Variants in CRIM1 observed in about 807,000 individuals in gnomAD.
The protein encoded by CRIM1 is cysteine-rich motor neuron 1 protein.
CRIM1 carries 32 observed loss-of-function variants against 116.4 expected under a neutral mutation model. The ratio of observed to expected loss-of-function variants is 0.27; its 90% confidence interval spans 0.21 to 0.37. CRIM1 has a LOEUF of 0.37. CRIM1 is among the 10% of genes least tolerant of loss of function. The pLI, the probability that CRIM1 is intolerant of heterozygous loss-of-function variation, is 1.00. For missense variants in CRIM1, 1,331 were observed against 1,354.8 expected (o/e 0.98, Z 0.28); for synonymous variants, 590 against 509.2 (o/e 1.16, Z -2.13).
chr2:36,507,297 T>C (rs1260077780), intron 8 of CRIM1, among the ~76,000 whole-genome samples: 1 of 152,228 alleles, frequency 6.6e-6, no homozygotes, highest in Non-Finnish European at 1.5e-5. Context: ...TTTTGAGATG[T>C]TTTGGCAAGT....
In CRIM1 at chr2:36,509,995, G is replaced by C. The variant is rs779872465; in HGVS notation, c.1514G>C (p.Cys505Ser). ...TCQCINTEELCSERKQGCTLN... is the reference protein window; with the variant it reads ...TCQCINTEELSSERKQGCTLN... ...TGTGTCTTCACAGCCGAGGAACTAT[G>C]TTCAGAACGTAAACAAGGCTGCACC... The change falls in exon 9 of 17, where the codon TGT becomes TCT. Residue 505 changes from cysteine to serine, a missense_variant. Around this residue, in one of 3 missense-constraint regions of CRIM1, gnomAD observed 690 missense variants for 676.0 expected, o/e 1.02. Transcript: ENST00000280527. The C allele has an allele frequency of 1.9e-6, 3 of 1,614,008 alleles. No individual in the cohort carries two copies. The highest frequency in any genetic ancestry group is 2.2e-5 in the South Asian group (2 of 91,038).
chr2:36,423,913 G>T (rs1445498683), intron 2 of CRIM1, among the ~76,000 whole-genome samples: 2 of 152,158 alleles, frequency 1.3e-5, no homozygotes, highest in Non-Finnish European at 2.9e-5. Context: ...GCTAGGAAAG[G>T]TGACTGAGGC....
intron 4 of CRIM1, among the ~76,000 whole-genome samples, chr2:36,453,813 C>T (rs1676920911): frequency 6.6e-6 from 1 of 152,144 alleles, no homozygotes; most frequent in South Asian, 2.1e-4. Flanking sequence ...ATTTGGAGAA[C>T]GGTCAGATTT....
chr2:36,410,985 C>T (rs1351843187), intron 2 of CRIM1, among the ~76,000 whole-genome samples: 3 of 152,192 alleles, frequency 2.0e-5, no homozygotes, highest in East Asian at 3.8e-4. Flanking sequence ...AACAAATTCT[C>T]ATATTCTCAG....
intron 9 of CRIM1, among the ~76,000 whole-genome samples, chr2:36,511,116 A>G (rs190173479): frequency 4.5e-4 from 68 of 151,574 alleles, no homozygotes; most frequent in African/African-American, 1.5e-3. Flanking sequence ...TAATTTTTGT[A>G]TTTTTTGGAG....
At chr2:36,543,651 T>C (rs1667110969) in intron 14 of CRIM1, among the ~76,000 whole-genome samples, 1 of 151,816 alleles carries the variant, frequency 6.6e-6, no homozygotes, top group Admixed American at 6.6e-5. Context: ...GAAGTATAAA[T>C]ACAAAGAAAT....
At chr2:36,507,249 G>GT in intron 8 of CRIM1, among the ~76,000 whole-genome samples, 1 of 152,308 alleles carries the variant, frequency 6.6e-6, no homozygotes, top group Admixed American at 6.5e-5. Context: ...CTACCTTCCA[G>GT]TTTTTAATGT....
intron 7 of CRIM1, 84 bp from the exon 8 acceptor site, chr2:36,499,135 A>C: frequency 9.9e-7 from 1 of 1,013,538 alleles, no homozygotes; most frequent in Non-Finnish European, 1.5e-6. Context: ...TTGTAACATT[A>C]TGGTGTGGAA....
intron 2 of CRIM1, among the ~76,000 whole-genome samples, chr2:36,440,380 C>T (rs924083879): frequency 6.6e-5 from 10 of 152,286 alleles, no homozygotes; most frequent in African/African-American, 2.4e-4. Context: ...CTCCCCATCT[C>T]CCACCAAAGG....
chr2:36,456,303 G>A (rs764064743), intron 4 of CRIM1, among the ~76,000 whole-genome samples: 5 of 152,194 alleles, frequency 3.3e-5, no homozygotes, highest in South Asian at 2.1e-4. Context: ...GTACACACTC[G>A]GTAAACAGCT....
At chr2:36,471,131 T>A (rs1025268233) in intron 5 of CRIM1, among the ~76,000 whole-genome samples, 1 of 152,222 alleles carries the variant, frequency 6.6e-6, no homozygotes, top group Non-Finnish European at 1.5e-5. Flanking sequence ...AGTTTCTTCT[T>A]ATCGATGAGC....
chr2:36,358,302 A>G (rs906738402), intron 1 of CRIM1, among the ~76,000 whole-genome samples: 1 of 152,226 alleles, frequency 6.6e-6, no homozygotes, highest in Admixed American at 6.5e-5. Flanking sequence ...TAAAAGATGC[A>G]TCTTTGAACC....
Position 36,448,776 on chromosome 2 carries a change from C to T in CRIM1, c.869+6041C>T, listed in dbSNP as rs1676454895. ...AAAAGTTATTGAGAAAAGTCCAATC[C>T]AGCTATTTTAAGGTAGAAATAAATT... On this transcript the variant is annotated intron_variant, in intron 4 of 16. Coordinates refer to ENST00000280527, the MANE Select transcript of CRIM1 (RefSeq NM_016441.3). Among the ~76,000 whole-genome samples, 4 of 152,186 alleles carry T rather than the reference C, an allele frequency of 2.6e-5. No homozygotes were observed. In the South Asian group the frequency reaches 8.3e-4, roughly 32 times the overall value.
In CRIM1 at chr2:36,362,306, A is replaced by C. The variant is rs563548909; in HGVS notation, c.331+5683A>C. On this transcript the variant is annotated intron_variant, in intron 1 of 16. Transcript: ENST00000280527. Reference sequence around the variant, plus strand: ...GTGATCTCTTGAGGCTCTGGTGGCAAAGCAGAAAGGGGAATTTGAATTTGA... The same window carrying C: ...GTGATCTCTTGAGGCTCTGGTGGCACAGCAGAAAGGGGAATTTGAATTTGA... Among the ~76,000 whole-genome samples, 22 of 152,300 alleles carry C rather than the reference A, an allele frequency of 1.4e-4. No individual in the cohort carries two copies. In the South Asian group the frequency reaches 4.1e-3, roughly 29 times the overall value.
rs1055051122 is a variant in CRIM1, at chr2:36,448,305, C to A, written c.869+5570C>A. ...AGGCAGATGCATTTGAAGGATGGAT[C>A]CAGCCTGGGCTATACATCTGAGAGT... On this transcript the variant is annotated intron_variant, in intron 4 of 16. Coordinates refer to ENST00000280527, the MANE Select transcript of CRIM1 (RefSeq NM_016441.3). Among the ~76,000 whole-genome samples, 5 of 152,366 alleles carry A rather than the reference C, an allele frequency of 3.3e-5. No individual in the cohort carries two copies. In the South Asian group the frequency reaches 1.0e-3, roughly 32 times the overall value.
At chr2:36,473,936 T>G (rs2125032613) in intron 5 of CRIM1, among the ~76,000 whole-genome samples, 1 of 152,276 alleles carries the variant, frequency 6.6e-6, no homozygotes. Flanking sequence ...CAAACTGTTT[T>G]CCAAAGCAGC....
chr2:36,499,863 C>A (rs1252380487), intron 8 of CRIM1, among the ~76,000 whole-genome samples: 1 of 152,126 alleles, frequency 6.6e-6, no homozygotes, highest in Non-Finnish European at 1.5e-5. Context: ...CACCCCACCC[C>A]CATATATGTT....
At chr2:36,481,032 T>C (rs1679377482) in intron 7 of CRIM1, among the ~76,000 whole-genome samples, 1 of 152,240 alleles carries the variant, frequency 6.6e-6, no homozygotes, top group South Asian at 2.1e-4. Context: ...TTGAAATATT[T>C]AATTACGAAT....
At chr2:36,457,928 A>G in intron 4 of CRIM1, among the ~76,000 whole-genome samples, 1 of 152,194 alleles carries the variant, frequency 6.6e-6, no homozygotes, top group East Asian at 1.9e-4. Flanking sequence ...CACTGTGTAG[A>G]ATCCTAGTAA....
Sources: allele counts gnomAD v4.1 joint callset (sites outside exome capture counted in the v4.1 genomes callset), GRCh38; gene constraint gnomAD v4.1.1; regional missense constraint gnomAD v4.1.1; transcripts MANE v1.5; gene names NCBI Gene and HGNC (gene_info 2026-07-23, HGNC 2026-07-21).